Variants in SPEG observed in about 807,000 individuals in gnomAD.
SPEG encodes striated muscle enriched protein kinase, also known as striated muscle preferentially expressed protein kinase.
Under a neutral mutation model 300.4 loss-of-function variants are expected in SPEG, and 114 were observed. That is an observed-to-expected ratio of 0.38 (90% CI 0.33 to 0.44). The LOEUF (loss-of-function observed/expected upper bound fraction) is 0.44, where lower values mean the gene tolerates loss of function less well. Among genes scored for constraint, SPEG ranks in the 20% least tolerant of loss-of-function variants. The pLI, the probability that SPEG is intolerant of heterozygous loss-of-function variation, is 1.00. For missense variants in SPEG, 4,201 were observed against 4,586.2 expected, an observed-to-expected ratio of 0.92 and a Z score of 2.43; for synonymous variants, 1,964 against 2,018.9, an observed-to-expected ratio of 0.97 and a Z score of 0.73.
At position 219,479,065 on chromosome 2, in the gene SPEG, T is replaced by C. The variant is rs1355936793; in HGVS notation, c.5028-79T>C. The C allele has an allele frequency of 3.0e-6, 4 of 1,312,822 alleles. No individual in the cohort carries two copies. The highest frequency in any genetic ancestry group is 1.4e-5 in the African/African-American group (1 of 69,208). The allele number at this position is 1,312,822 out of a possible 1,614,324, so 81.3% of individuals were successfully genotyped here. ...TGTAAGGGGAAGGAGAACCCCGTGC[T>C]GAGCTGGGACCTGCCCTGAGCGCTG... On this transcript the variant is annotated intron_variant, in intron 22 of 40. Transcript: ENST00000312358. This position sits in a 1 kb window ranked among gnomAD's most constrained non-coding sequence, Gnocchi z 5.5.
At chr2:219,466,322 G>A (rs1210140588) in intron 9 of SPEG, 8 of 1,411,004 alleles carry the variant, frequency 5.7e-6, no homozygotes, top group Non-Finnish European at 7.3e-6. Flanking sequence ...GTGCTGGGAA[G>A]GGGCGGCTGC....
rs979350137 is a variant in SPEG, at chr2:219,484,113, A to G, written c.6650A>G (p.Glu2217Gly). Residue 2217 changes from glutamate (E) to glycine (G), a missense_variant, in exon 30 of 41, where the codon GAG becomes GGG. Glu to Gly is a moderately conservative substitution (Grantham distance 98). This residue lies in a region of SPEG where 1,578 missense variants were observed against 1,506.0 expected (regional missense o/e 1.05). Transcript: ENST00000312358. Reference sequence around the variant, plus strand: ...CAGCCTGCCCAAGACAAGGCTCCAGAGCCCAGGCCAGAACCAGTCCGAGCC... The same window carrying G: ...CAGCCTGCCCAAGACAAGGCTCCAGGGCCCAGGCCAGAACCAGTCCGAGCC... ...APQPAQDKAP[E>G]PRPEPVRASK... 9.3e-6 allele frequency: 15 copies of G among 1,613,256 alleles called. No individual in the cohort carries two copies. Among genetic ancestry groups the G allele is most frequent in the Non-Finnish European group, 1.3e-5 (15 of 1,179,904 alleles).
chr2:219,443,045 A>G lies in SPEG; in HGVS notation c.389-1608A>G, dbSNP rs1575038602. ...GCTTGATGTTGCAGGTCTGGATGGG[A>G]GGCACAGGGACCTTAGGAACAAGCC... On this transcript the variant is annotated intron_variant, in intron 1 of 40. Transcript: ENST00000312358. This position sits in a 1 kb window ranked among gnomAD's most constrained non-coding sequence, Gnocchi z 4.6. The G allele has an allele frequency of 7.3e-7, 1 of 1,368,280 alleles. No individual in the cohort carries two copies. Among genetic ancestry groups the G allele is most frequent in the Admixed American group, 1.7e-5 (1 of 57,528 alleles). The allele number at this position is 1,368,280 out of a possible 1,614,324, so 84.8% of individuals were successfully genotyped here.
intron 32 of SPEG, 55 bp from the exon 33 acceptor site, chr2:219,488,443 G>A: frequency 1.3e-6 from 2 of 1,529,124 alleles, no homozygotes; most frequent in Admixed American, 1.9e-5. Flanking sequence ...GAGTGAGGGG[G>A]CCTGGACATG....
In SPEG at chr2:219,473,918, G is replaced by A. The variant is rs761442036; in HGVS notation, c.4447+15G>A. 5.6e-6 allele frequency: 9 copies of A among 1,595,276 alleles called. No individual in the cohort carries two copies. In the South Asian group the frequency reaches 1.0e-4, roughly 18 times the overall value. ...GGAGCTGGCAGGTGGGTGACAGCGGGCCTTCTTCCTAGCCTCCCTCCAAGG... is the reference window on the plus strand; with the variant it reads ...GGAGCTGGCAGGTGGGTGACAGCGGACCTTCTTCCTAGCCTCCCTCCAAGG... On this transcript the variant is annotated intron_variant, in intron 18 of 40. Coordinates refer to ENST00000312358, the MANE Select transcript of SPEG (RefSeq NM_005876.5). The surrounding 1 kb of genome is among the most constrained non-coding windows in gnomAD (Gnocchi z 4.6).
chr2:219,471,634 A>G, intron 13 of SPEG: 1 of 560,556 alleles, frequency 1.8e-6, no homozygotes, highest in South Asian at 2.0e-5. Context: ...CTGGAGGGAC[A>G]GACCAGAGGG....
In SPEG at chr2:219,481,578, A is replaced by G; in HGVS notation, c.5523-60A>G. On this transcript the variant is annotated intron_variant, in intron 27 of 40. Coordinates refer to ENST00000312358, the MANE Select transcript of SPEG (RefSeq NM_005876.5). The surrounding 1 kb of genome is among the most constrained non-coding windows in gnomAD (Gnocchi z 5.4). ...AACTCCTTAGGAGCCCTGTTTGCTC[A>G]GTTATTGACTCACTGATGACTGAAC... The G allele has an allele frequency of 2.5e-6, 4 of 1,607,910 alleles. No individual in the cohort carries two copies. The highest frequency in any genetic ancestry group is 2.6e-6 in the Non-Finnish European group (3 of 1,174,412).
At position 219,477,280 on chromosome 2, in the gene SPEG, G is replaced by A. The variant is rs775414983; in HGVS notation, c.4564G>A (p.Glu1522Lys). 4.3e-6 allele frequency: 7 copies of A among 1,610,350 alleles called. No homozygotes were observed. Among genetic ancestry groups the A allele is most frequent in the Admixed American group, 1.7e-5 (1 of 59,876 alleles). Reference sequence around the variant, plus strand: ...AAGGTGAGACCCCACTCTGCAGGACGAGGTGCTGCTGACCGAGAGCAGCCA... The same window carrying A: ...AAGGTGAGACCCCACTCTGCAGGACAAGGTGCTGCTGACCGAGAGCAGCCA... The part of the protein sequence containing the change: ...PLPDIMWYKD[E>K]VLLTESSHVS... Residue 1522 changes from glutamate (E) to lysine (K), a missense_variant, in exon 20 of 41, where the codon GAG becomes AAG. By Grantham distance (56) the Glu-to-Lys change is moderately conservative. This residue lies in a region of SPEG where 1,047 missense variants were observed against 1,356.8 expected (regional missense o/e 0.77). Coordinates refer to ENST00000312358, the MANE Select transcript of SPEG (RefSeq NM_005876.5). This position sits in a 1 kb window ranked among gnomAD's most constrained non-coding sequence, Gnocchi z 6.4.
At chr2:219,467,499 G>A in intron 10 of SPEG, 65 bp downstream of exon 10, 2 of 1,533,780 alleles carry the variant, frequency 1.3e-6, no homozygotes, top group South Asian at 2.5e-5. Context: ...GGGACTGGGG[G>A]TGTACAGTAA....
Position 219,471,655 on chromosome 2 carries a change from A to T in SPEG, c.3716-213A>T, listed in dbSNP as rs999048450. 8.4e-6 allele frequency: 5 copies of T among 591,884 alleles called. No homozygotes were observed. In the Admixed American group the frequency reaches 1.2e-4, roughly 14 times the overall value. 36.7% of individuals were successfully genotyped at this position (591,884 alleles called of 1,614,324 possible). A position where few individuals can be genotyped will look rare whatever the true frequency, so the allele number is the denominator to read the frequency against. ...GGACAGACCAGAGGGGCCAGGGCAG[A>T]TGTAGACTTGGAAGCCAGCCCGGGC... On this transcript the variant is annotated intron_variant, in intron 13 of 40. Coordinates refer to ENST00000312358, the MANE Select transcript of SPEG (RefSeq NM_005876.5).
Position 219,467,380 on chromosome 2 carries a change from T to A in SPEG, c.3088T>A (p.Ser1030Thr). The change falls in exon 10 of 41, where the codon TCT becomes ACT. Residue 1030 changes from serine (S) to threonine (T), a missense_variant. Physicochemically the swap from Ser to Thr is moderately conservative, Grantham distance 58. This residue lies in a region of SPEG where 1,047 missense variants were observed against 1,356.8 expected (regional missense o/e 0.77). Coordinates refer to ENST00000312358, the MANE Select transcript of SPEG (RefSeq NM_005876.5). ...DGRKCKLLLT[S>T]VHEDDSGVYT... ...CCGCAAATGCAAGCTGCTACTTACA[T>A]CTGTACATGAGGACGACAGTGGCGT... The A allele has an allele frequency of 6.2e-7, 1 of 1,612,390 alleles. No homozygotes were observed. Among genetic ancestry groups the A allele is most frequent in the Non-Finnish European group, 8.5e-7 (1 of 1,179,932 alleles).
chr2:219,492,342 CT>C (rs1559438851), intron 40 of SPEG, 82 bp downstream of exon 40: 3 of 1,461,754 alleles, frequency 2.1e-6, no homozygotes, highest in African/African-American at 1.4e-5. Context: ...AGCTCCTCCC[CT>C]GCTCCTAGGA....
chr2:219,476,825 G>A (rs1431682198), intron 18 of SPEG, 45 bp from the exon 19 acceptor site: 1 of 1,498,808 alleles, frequency 6.7e-7, no homozygotes, highest in Non-Finnish European at 9.3e-7. Context: ...GGTAAAGCCA[G>A]CCCCTAGCCC....
At position 219,448,850 on chromosome 2, in the gene SPEG, G is replaced by A. The variant is rs1689519006; in HGVS notation, c.1692G>A (p.Pro564=). ...QPPSPSSAEK[P]GDEPGRPRSR... ...CCTCTCCGAGCAGCGCGGAGAAGCC[G>A]GGGGACGAGCCTGGGAGGCCCAGGA... Residue 564 remains proline, a synonymous_variant, in exon 4 of 41, where the codon CCG becomes CCA. Transcript: ENST00000312358. 21 of 1,401,874 alleles carry A rather than the reference G, an allele frequency of 1.5e-5. No homozygotes were observed. The highest frequency in any genetic ancestry group is 1.8e-5 in the Non-Finnish European group (20 of 1,086,350). The allele number at this position is 1,401,874 out of a possible 1,614,324, so 86.8% of individuals were successfully genotyped here.
chr2:219,483,256 G>T lies in SPEG; in HGVS notation c.5793G>T (p.Glu1931Asp). The T allele has an allele frequency of 6.2e-7, 1 of 1,610,472 alleles. No individual in the cohort carries two copies. The highest frequency in any genetic ancestry group is 8.5e-7 in the Non-Finnish European group (1 of 1,178,936). The change falls in exon 30 of 41, where the codon GAG becomes GAT. Residue 1931 changes from glutamate (E) to aspartate (D), a missense_variant. By Grantham distance (45) the Glu-to-Asp change is conservative. Coordinates refer to ENST00000312358, the MANE Select transcript of SPEG (RefSeq NM_005876.5). Reference protein sequence around the residue: ...SSDSEEEELEELPSVPRPLQP... With the variant: ...SSDSEEEELEDLPSVPRPLQP... The stretch of plus-strand genomic sequence containing the variant: ...ATTCTGAAGAGGAAGAGCTGGAAGA[G>T]CTGCCCTCAGTGCCCCGCCCACTGC...
rs1263454560 is a variant in SPEG, at chr2:219,492,666, C to A, written c.9684C>A (p.Arg3228=). The change falls in exon 41 of 41, where the codon CGC becomes CGA. Residue 3228 remains arginine (R), a synonymous_variant. Coordinates refer to ENST00000312358, the MANE Select transcript of SPEG (RefSeq NM_005876.5). ...LQDAYLMKLR[R]QTLTFTTNRL... Reference sequence around the variant, plus strand: ...ACGCCTACCTGATGAAGCTGCGCCGCCAGACGCTCACCTTCACCACCAACC... The same window carrying A: ...ACGCCTACCTGATGAAGCTGCGCCGACAGACGCTCACCTTCACCACCAACC... 1 of 1,610,830 alleles carries A rather than the reference C, an allele frequency of 6.2e-7. No individual in the cohort carries two copies. Among genetic ancestry groups the A allele is most frequent in the Non-Finnish European group, 8.5e-7 (1 of 1,179,988 alleles).
Position 219,481,949 on chromosome 2 carries a change from C to G in SPEG, c.5565+269C>G. Reference sequence around the variant, plus strand: ...TCTGGACCTCTCCATCCTGGGCGTCCTCAGTGGAGTTCTCCCCCATGCTTG... The same window carrying G: ...TCTGGACCTCTCCATCCTGGGCGTCGTCAGTGGAGTTCTCCCCCATGCTTG... On this transcript the variant is annotated intron_variant, in intron 28 of 40. Transcript: ENST00000312358. This position sits in a 1 kb window ranked among gnomAD's most constrained non-coding sequence, Gnocchi z 5.4. 1.7e-6 allele frequency: 1 copy of G among 574,942 alleles called. No individual in the cohort carries two copies. The highest frequency in any genetic ancestry group is 3.1e-6 in the Non-Finnish European group (1 of 320,934). 35.6% of individuals were successfully genotyped at this position (574,942 alleles called of 1,614,324 possible).
Position 219,488,915 on chromosome 2 carries a change from G to C in SPEG, c.8149+15G>C. On this transcript the variant is annotated intron_variant, in intron 34 of 40. Transcript: ENST00000312358. ...GCGAGTGGATGGTGAGGATGGGGCA[G>C]CTGGAGGGTTGGGGGAGCGGCAGGG... 1.3e-6 allele frequency: 2 copies of C among 1,584,450 alleles called. No homozygotes were observed. Among genetic ancestry groups the C allele is most frequent in the Non-Finnish European group, 1.7e-6 (2 of 1,165,366 alleles).
chr2:219,446,050 G>A (rs114170394), intron 3 of SPEG, among the ~76,000 whole-genome samples: 2,254 of 151,528 alleles, frequency 0.015, 61 homozygotes, highest in African/African-American at 0.052. Flanking sequence ...TTTGTGATGG[G>A]TATGGGTGTG....
Sources: allele counts gnomAD v4.1 joint callset (sites outside exome capture counted in the v4.1 genomes callset), GRCh38; gene constraint gnomAD v4.1.1; regional missense constraint gnomAD v4.1.1; non-coding constraint Gnocchi (gnomAD v3.1); transcripts MANE v1.5; gene names NCBI Gene and HGNC (gene_info 2026-07-23, HGNC 2026-07-21).